Variants in KANK1 observed in about 807,000 individuals in gnomAD.
The protein encoded by KANK1 is KN motif and ankyrin repeat domain-containing protein 1.
Under a neutral mutation model 106.2 loss-of-function variants are expected in KANK1, and 109 were observed. The observed-to-expected ratio is 1.03, with a 90% CI of 0.88 to 1.20. The LOEUF is 1.20. KANK1 is among the 50% of genes most tolerant of loss of function. The pLI, the probability that KANK1 is intolerant of heterozygous loss-of-function variation, is 0.00. For synonymous variants in KANK1, 873 were observed against 652.2 expected (o/e 1.34, Z -5.16); for missense variants, 2,399 against 1,710.7 (o/e 1.40, Z -7.10).
chr9:476,377 C>A (rs182434232), intron 3 of KANK1, among the ~76,000 whole-genome samples: 48 of 152,038 alleles, frequency 3.2e-4, no homozygotes, highest in African/African-American at 1.2e-3. Flanking sequence ...AAACATTAGC[C>A]GAGCATGGTG....
chr9:651,857 T>C (rs908311256), intron 1 of KANK1, among the ~76,000 whole-genome samples: 1 of 152,220 alleles, frequency 6.6e-6, no homozygotes, highest in African/African-American at 2.4e-5. Context: ...TAAATTGCTC[T>C]GAGCCAGAAA....
At chr9:502,858 AG>A (rs1398360407), upstream of KANK1, among the ~76,000 whole-genome samples, 1 of 151,988 alleles carries the variant, frequency 6.6e-6, no homozygotes, top group Non-Finnish European at 1.5e-5. Flanking sequence ...TTTTTGAGAC[AG>A]GGTCACACTC....
At chr9:554,261 C>G (rs7851122) in intron 1 of KANK1, among the ~76,000 whole-genome samples, 11,758 of 152,206 alleles carry the variant, frequency 0.077, 1,237 homozygotes, top group East Asian at 0.22. Flanking sequence ...GCGTAAGTTT[C>G]CATCTCCATC....
At chr9:648,557 C>G (rs1840223560) in intron 1 of KANK1, among the ~76,000 whole-genome samples, 1 of 152,078 alleles carries the variant, frequency 6.6e-6, no homozygotes, top group Admixed American at 6.5e-5. Flanking sequence ...GAGCGCGAGG[C>G]TCTCAGAAAA....
intron 1 of KANK1, among the ~76,000 whole-genome samples, chr9:615,327 T>G (rs1261236542): frequency 6.6e-6 from 1 of 152,218 alleles, no homozygotes; most frequent in Non-Finnish European, 1.5e-5. Flanking sequence ...GCTGATGAAT[T>G]GTATTCTTTG....
chr9:743,475 A>ATTATC (rs1013064273), intron 10 of KANK1, among the ~76,000 whole-genome samples: 1 of 152,118 alleles, frequency 6.6e-6, no homozygotes, highest in Non-Finnish European at 1.5e-5. Flanking sequence ...TTTTACTTCT[A>ATTATC]TTATCTTTCA....
intron 1 of KANK1, among the ~76,000 whole-genome samples, chr9:674,995 G>A (rs1016879501): frequency 2.7e-5 from 4 of 149,752 alleles, no homozygotes; most frequent in African/African-American, 7.5e-5. Context: ...GTGAGCCACC[G>A]CACCTGGCCT....
intron 1 of KANK1, among the ~76,000 whole-genome samples, chr9:509,462 T>C (rs2058932981): frequency 6.6e-6 from 1 of 152,232 alleles, no homozygotes; most frequent in Non-Finnish European, 1.5e-5. Flanking sequence ...CTTTTCCATG[T>C]CTGTTCATGT....
chr9:713,496 G>T (rs372590550), intron 3 of KANK1, 32 bp downstream of exon 3: 538 of 1,519,144 alleles, frequency 3.5e-4, no homozygotes, highest in Non-Finnish European at 4.4e-4. Context: ...TGGGAATGAG[G>T]AAGGATGGGG....
intron 1 of KANK1, among the ~76,000 whole-genome samples, chr9:607,816 G>A (rs9696200): frequency 0.74 from 112,134 of 151,296 alleles, 42,211 homozygotes; most frequent in Non-Finnish European, 0.78. Context: ...GAAAAAAAGC[G>A]CCGAAATGGA....
intron 3 of KANK1, among the ~76,000 whole-genome samples, chr9:717,202 C>T (rs1473568903): frequency 5.3e-5 from 8 of 151,754 alleles, no homozygotes; most frequent in East Asian, 3.9e-4. Context: ...GGAAGATCAC[C>T]GGCGCCCTAG....
intron 1 of KANK1, among the ~76,000 whole-genome samples, chr9:552,578 T>C (rs1204261426): frequency 6.6e-6 from 1 of 152,234 alleles, no homozygotes; most frequent in East Asian, 1.9e-4. Context: ...ACTGCTCATT[T>C]GAATGAACCA....
At chr9:687,746 G>C (rs1409811278) in intron 2 of KANK1, among the ~76,000 whole-genome samples, 1 of 152,124 alleles carries the variant, frequency 6.6e-6, no homozygotes, top group Non-Finnish European at 1.5e-5. Context: ...CTCCCAATGG[G>C]AGTTCCTCTC....
chr9:613,790 T>C (rs1333225824), intron 1 of KANK1, among the ~76,000 whole-genome samples: 2 of 151,556 alleles, frequency 1.3e-5, no homozygotes, highest in Non-Finnish European at 2.9e-5. Context: ...TTTGTGACTT[T>C]CTGTTGTAAA....
intron 1 of KANK1, among the ~76,000 whole-genome samples, chr9:565,431 A>T (rs1287562299): frequency 8.5e-5 from 13 of 152,224 alleles, no homozygotes; most frequent in Admixed American, 8.5e-4. Flanking sequence ...CAGTTCACTG[A>T]GACCATGGTA....
intron 2 of KANK1, among the ~76,000 whole-genome samples, chr9:687,100 T>G (rs925165345): frequency 6.6e-6 from 1 of 152,140 alleles, no homozygotes; most frequent in Non-Finnish European, 1.5e-5. Flanking sequence ...AGGAATGTTA[T>G]GAAACTCCAT....
chr9:476,241 C>G (rs181245646), intron 3 of KANK1, among the ~76,000 whole-genome samples: 2 of 152,184 alleles, frequency 1.3e-5, no homozygotes, highest in East Asian at 3.9e-4. Flanking sequence ...AGGTGTTAGG[C>G]CGGGCGTGGT....
chr9:642,219 T>C (rs1341335519), intron 1 of KANK1, among the ~76,000 whole-genome samples: 3 of 143,384 alleles, frequency 2.1e-5, no homozygotes, highest in Non-Finnish European at 1.5e-5. Context: ...ACTTGTTACC[T>C]CTGTATCATA....
chr9:661,533 A>G, intron 1 of KANK1, among the ~76,000 whole-genome samples: 1 of 152,122 alleles, frequency 6.6e-6, no homozygotes, highest in East Asian at 1.9e-4. Context: ...ATTGATGGGC[A>G]TTTGGGTTGG....
Sources: allele counts gnomAD v4.1 joint callset (sites outside exome capture counted in the v4.1 genomes callset), GRCh38; gene constraint gnomAD v4.1.1; transcripts MANE v1.5; gene names NCBI Gene and HGNC (gene_info 2026-07-23, HGNC 2026-07-21).